HCN1: variants seen among roughly 807,000 people sequenced by gnomAD.
HCN1 encodes potassium/sodium hyperpolarization-activated cyclic nucleotide-gated channel 1.
Under a neutral mutation model 78.9 loss-of-function variants are expected in HCN1, and 13 were observed. The observed-to-expected ratio is 0.16, with a 90% CI of 0.11 to 0.26. The LOEUF is 0.26. HCN1 is among the 10% of genes least tolerant of loss of function. The probability of loss-of-function intolerance (pLI) is 1.00; values close to 1 mark genes in which losing one functional copy is unlikely to be tolerated. For synonymous variants in HCN1, 552 were observed against 455.5 expected, an observed-to-expected ratio of 1.21 and a Z score of -2.70; for missense variants, 810 against 1,154.3, an observed-to-expected ratio of 0.70 and a Z score of 4.32.
At chr5:45,552,343 G>T (rs1743385275) in intron 2 of HCN1, among the ~76,000 whole-genome samples, 1 of 151,904 alleles carries the variant, frequency 6.6e-6, no homozygotes, top group Admixed American at 6.6e-5. Flanking sequence ...AGGCAGCCAT[G>T]AACTCGCATA....
At chr5:45,607,240 A>G (rs757359764) in intron 2 of HCN1, among the ~76,000 whole-genome samples, 2 of 151,886 alleles carry the variant, frequency 1.3e-5, no homozygotes, top group Non-Finnish European at 2.9e-5. Context: ...ATGGGACATT[A>G]TCAAGGAAGA....
In HCN1 at chr5:45,261,890, T is replaced by C. The variant is rs569158852; in HGVS notation, c.*31A>G. 1.2e-6 allele frequency: 2 copies of C among 1,613,336 alleles called. No individual in the cohort carries two copies. Among genetic ancestry groups the C allele is most frequent in the African/African-American group, 1.3e-5 (1 of 74,994 alleles). On this transcript the variant is annotated 3_prime_UTR_variant, in exon 8 of 8. Coordinates refer to ENST00000303230, the MANE Select transcript of HCN1 (RefSeq NM_021072.4). ...TGAGTATAGTCTCAGTTTATGAGAG[T>C]ATTTCTTTCTGCTTTGACAATCAGC...
chr5:45,689,422 G>A (rs1739866604), intron 1 of HCN1, among the ~76,000 whole-genome samples: 1 of 152,012 alleles, frequency 6.6e-6, no homozygotes, highest in Non-Finnish European at 1.5e-5. Flanking sequence ...AAATTCCAGG[G>A]AAAGGACACA....
intron 2 of HCN1, among the ~76,000 whole-genome samples, chr5:45,502,677 A>C (rs1244026158): frequency 6.6e-6 from 1 of 152,210 alleles, no homozygotes; most frequent in East Asian, 1.9e-4. Flanking sequence ...ATATTTGTAA[A>C]TAAAATAAAA....
chr5:45,679,150 T>C (rs1179989427), intron 1 of HCN1, among the ~76,000 whole-genome samples: 1 of 152,064 alleles, frequency 6.6e-6, no homozygotes, highest in Non-Finnish European at 1.5e-5. Flanking sequence ...GATATTGGGC[T>C]CTGAGCCAGG....
intron 5 of HCN1, among the ~76,000 whole-genome samples, chr5:45,324,582 G>C (rs1185659833): frequency 1.3e-5 from 2 of 151,718 alleles, no homozygotes; most frequent in African/African-American, 4.8e-5. Flanking sequence ...CCTAAAGTAA[G>C]ATTTTTCAAT....
chr5:45,396,741 G>A (rs1378496155), intron 3 of HCN1, 31 bp from the exon 4 acceptor site: 2 of 1,547,162 alleles, frequency 1.3e-6, no homozygotes, highest in South Asian at 2.2e-5. Context: ...AAAATTGACT[G>A]AGCCATTAGG....
intron 3 of HCN1, among the ~76,000 whole-genome samples, chr5:45,456,610 C>T (rs1741034541): frequency 6.6e-6 from 1 of 151,894 alleles, no homozygotes; most frequent in Admixed American, 6.6e-5. Flanking sequence ...CTAAAACAAA[C>T]ATAATTTTAC....
chr5:45,286,236 T>G (rs1427976681), intron 6 of HCN1, among the ~76,000 whole-genome samples: 2 of 151,948 alleles, frequency 1.3e-5, no homozygotes, highest in Non-Finnish European at 2.9e-5. Flanking sequence ...TTAGAAATTA[T>G]AAGTGCAAAC....
intron 2 of HCN1, among the ~76,000 whole-genome samples, chr5:45,464,067 GA>G (rs1377545585): frequency 1.3e-5 from 2 of 152,078 alleles, no homozygotes; most frequent in Non-Finnish European, 2.9e-5. Flanking sequence ...ATTCTTGGTA[GA>G]TCTGACTGGG....
chr5:45,413,199 G>A (rs947558605), intron 3 of HCN1, among the ~76,000 whole-genome samples: 1 of 152,028 alleles, frequency 6.6e-6, no homozygotes, highest in Non-Finnish European at 1.5e-5. Flanking sequence ...TAACTCACAA[G>A]AGGTTAAATC....
chr5:45,300,513 T>A (rs1295098359), intron 6 of HCN1, among the ~76,000 whole-genome samples: 1 of 152,104 alleles, frequency 6.6e-6, no homozygotes, highest in Non-Finnish European at 1.5e-5. Context: ...TATTAATTTT[T>A]AAATATTTTA....
intron 2 of HCN1, among the ~76,000 whole-genome samples, chr5:45,546,827 C>A (rs1399830371): frequency 3.3e-5 from 5 of 151,802 alleles, no homozygotes; most frequent in Non-Finnish European, 7.4e-5. Flanking sequence ...TGTAACATGG[C>A]AGTTCAATTC....
intron 2 of HCN1, among the ~76,000 whole-genome samples, chr5:45,531,794 C>A (rs956155609): frequency 2.0e-5 from 3 of 152,134 alleles, no homozygotes; most frequent in Non-Finnish European, 4.4e-5. Flanking sequence ...AATCCAAGCA[C>A]TTTGGGAGGC....
chr5:45,337,229 T>C (rs1356863134), intron 5 of HCN1, among the ~76,000 whole-genome samples: 6 of 151,474 alleles, frequency 4.0e-5, no homozygotes, highest in African/African-American at 1.4e-4. Flanking sequence ...TTATAAAGTA[T>C]TTTTCTTCTT....
At chr5:45,440,479 C>T (rs942015201) in intron 3 of HCN1, among the ~76,000 whole-genome samples, 3 of 152,200 alleles carry the variant, frequency 2.0e-5, no homozygotes, top group Non-Finnish European at 4.4e-5. Flanking sequence ...TGACTACCCA[C>T]TAATACTCAG....
chr5:45,403,200 C>T (rs1739858573), intron 3 of HCN1, among the ~76,000 whole-genome samples: 1 of 152,084 alleles, frequency 6.6e-6, no homozygotes, highest in Non-Finnish European at 1.5e-5. Flanking sequence ...TGAACCATAA[C>T]AAAGGAAAGT....
intron 2 of HCN1, among the ~76,000 whole-genome samples, chr5:45,557,172 TCA>T (rs980619949): frequency 3.9e-5 from 6 of 152,130 alleles, no homozygotes; most frequent in African/African-American, 1.4e-4. Context: ...TCTCTGCTGT[TCA>T]CATTTGGAAT....
intron 3 of HCN1, among the ~76,000 whole-genome samples, chr5:45,404,856 G>A (rs1561142519): frequency 1.3e-5 from 2 of 151,940 alleles, no homozygotes; most frequent in Admixed American, 6.6e-5. Flanking sequence ...TTTCACATGA[G>A]CTGAAATTTA....
Sources: allele counts gnomAD v4.1 joint callset (sites outside exome capture counted in the v4.1 genomes callset), GRCh38; gene constraint gnomAD v4.1.1; transcripts MANE v1.5; gene names NCBI Gene and HGNC (gene_info 2026-07-23, HGNC 2026-07-21).